The following SCUBE1 variants were observed in gnomAD, a reference collection of about 807,000 sequenced individuals.
SCUBE1 encodes signal peptide, CUB domain and EGF like domain containing 1.
A neutral mutation model predicts 124.4 loss-of-function variants in SCUBE1; 59 were observed. That is an observed-to-expected ratio of 0.47 (90% CI 0.38 to 0.59). The LOEUF is 0.59. Ranked by LOEUF, SCUBE1 falls within the 20% of genes least tolerant of loss-of-function variation. The pLI, the probability that SCUBE1 is intolerant of heterozygous loss-of-function variation, is 0.00. For synonymous variants in SCUBE1, 545 were observed against 550.9 expected (o/e 0.99, Z 0.15); for missense variants, 1,150 against 1,371.2 (o/e 0.84, Z 2.55).
In SCUBE1 at chr22:43,214,082, G is replaced by A. The variant is rs747460728; in HGVS notation, c.2053+8C>T. 1.9e-5 allele frequency: 24 copies of A among 1,282,738 alleles called. No individual in the cohort carries two copies. The highest frequency in any genetic ancestry group is 9.1e-5 in the South Asian group (7 of 77,034). The allele number at this position is 1,282,738 out of a possible 1,614,324, so 79.5% of individuals were successfully genotyped here. On this transcript the variant is annotated splice_region_variant and intron_variant, in intron 16 of 21. Coordinates refer to ENST00000360835, the MANE Select transcript of SCUBE1 (RefSeq NM_173050.5). ...CACCCCCACCTCTCCTTCTAGGCCC[G>A]CACTTGCCTCCACATTCCGACACGT... is the stretch of plus-strand genomic sequence containing the variant.
intron 1 of SCUBE1, among the ~76,000 whole-genome samples, chr22:43,342,577 G>A (rs1927358837): frequency 6.6e-6 from 1 of 151,056 alleles, no homozygotes; most frequent in South Asian, 2.1e-4. Context: ...CTTATCATCG[G>A]TGGGACCATC....
Position 43,224,301 on chromosome 22 carries a change from C to G in SCUBE1, c.1208-1085G>C, listed in dbSNP as rs150420592. Among the ~76,000 whole-genome samples, 20 of 152,366 alleles carry G rather than the reference C, an allele frequency of 1.3e-4. No individual in the cohort carries two copies. The East Asian group carries it at 3.5e-3, about 26-fold the overall frequency. On this transcript the variant is annotated intron_variant, in intron 10 of 21. Coordinates refer to ENST00000360835, the MANE Select transcript of SCUBE1 (RefSeq NM_173050.5). The stretch of plus-strand genomic sequence containing the variant: ...GCTCTCACTTGCTTTGCTGCTCTCT[C>G]GTGCTGACTGCTTTGTTAGCAAGTG...
At chr22:43,231,935 C>T (rs1042045272) in intron 7 of SCUBE1, 60 bp from the exon 8 acceptor site, 27 of 1,592,200 alleles carry the variant, frequency 1.7e-5, no homozygotes, top group East Asian at 9.0e-5. Flanking sequence ...GTGTGACCAG[C>T]GGGGGGACGG....
chr22:43,222,805 T>C, intron 11 of SCUBE1, 63 bp from the exon 12 acceptor site: 2 of 1,310,310 alleles, frequency 1.5e-6, no homozygotes, highest in South Asian at 1.3e-5. Flanking sequence ...CCTCAGATTC[T>C]TGGGGCCTCA....
chr22:43,231,507 T>G (rs936828328), intron 8 of SCUBE1, among the ~76,000 whole-genome samples: 2 of 151,996 alleles, frequency 1.3e-5, no homozygotes, highest in Non-Finnish European at 2.9e-5. Context: ...GGTGAACTGA[T>G]GAGCTGGGCC....
chr22:43,204,221 G>A, intron 21 of SCUBE1, 72 bp from the exon 22 acceptor site: 3 of 1,426,422 alleles, frequency 2.1e-6, no homozygotes, highest in Non-Finnish European at 2.9e-6. Flanking sequence ...TGCCAGGCTG[G>A]GGGAGGGGAG....
intron 6 of SCUBE1, among the ~76,000 whole-genome samples, chr22:43,246,584 G>T (rs891524515): frequency 2.6e-5 from 4 of 152,234 alleles, no homozygotes; most frequent in Non-Finnish European, 5.9e-5. Context: ...GGAACTGGAA[G>T]AGCTGCTCTC....
In SCUBE1 at chr22:43,331,580, C is replaced by T. The variant is rs559135100; in HGVS notation, c.220+7524G>A. Among the ~76,000 whole-genome samples the T allele has an allele frequency of 1.5e-4, 23 of 152,286 alleles. No individual in the cohort carries two copies. The East Asian group carries it at 1.7e-3, about 11-fold the overall frequency. ...AGCCATTTGAGGGCGGTTTGCTCCT[C>T]GTTTGGGGCCTGGTCCTGATTATAA... On this transcript the variant is annotated intron_variant, in intron 2 of 21. Transcript: ENST00000360835.
At chr22:43,317,425 G>A (rs1326451502) in intron 3 of SCUBE1, among the ~76,000 whole-genome samples, 1 of 152,182 alleles carries the variant, frequency 6.6e-6, no homozygotes, top group Non-Finnish European at 1.5e-5. Context: ...AGAGTCCCCT[G>A]TGCCGAGCCT....
In SCUBE1 at chr22:43,301,214, G is replaced by C. The variant is rs144768632; in HGVS notation, c.350-10034C>G. ...CTCCAGGGCTGCCACGGCTGGGCCA[G>C]TCGCCCTCGTCTCTGGCCTGGATTC... On this transcript the variant is annotated intron_variant, in intron 3 of 21. Coordinates refer to ENST00000360835, the MANE Select transcript of SCUBE1 (RefSeq NM_173050.5). 7.2e-3 allele frequency among the ~76,000 whole-genome samples: 1,101 copies of C among 152,288 alleles called. 11 individuals are homozygous for C. Among genetic ancestry groups the C allele is most frequent in the Middle Eastern group, 0.02 (6 of 294 alleles).
chr22:43,203,888 G>C lies in SCUBE1; in HGVS notation c.*109C>G, dbSNP rs1021186904. 9 of 1,212,192 alleles carry C rather than the reference G, an allele frequency of 7.4e-6. No homozygotes were observed. The highest frequency in any genetic ancestry group is 1.1e-5 in the Non-Finnish European group (9 of 850,192). The allele number at this position is 1,212,192 out of a possible 1,614,324, so 75.1% of individuals were successfully genotyped here. A position where few individuals can be genotyped will look rare whatever the true frequency, so the allele number is the denominator to read the frequency against. On this transcript the variant is annotated 3_prime_UTR_variant, in exon 22 of 22. Transcript: ENST00000360835. Reference sequence around the variant, plus strand: ...GGCTGGTCGGCTTCCCTGAAGGGCAGTGCCATGGGGTTCCCAAGGTGGTGT... The same window carrying C: ...GGCTGGTCGGCTTCCCTGAAGGGCACTGCCATGGGGTTCCCAAGGTGGTGT...
At position 43,216,883 on chromosome 22, in the gene SCUBE1, C is replaced by T. The variant is rs140265140; in HGVS notation, c.1891+1372G>A. Among the ~76,000 whole-genome samples, 1,092 of 109,244 alleles carry T rather than the reference C, an allele frequency of 1.0e-2. 29 individuals carry two copies. Among genetic ancestry groups the T allele is most frequent in the African/African-American group, 0.037 (1,009 of 27,304 alleles). The allele number at this position is 109,244 out of a possible 152,430, so 71.7% of individuals were successfully genotyped here. A position where few individuals can be genotyped will look rare whatever the true frequency, so the allele number is the denominator to read the frequency against. On this transcript the variant is annotated intron_variant, in intron 15 of 21. Transcript: ENST00000360835. ...CCCCCACCCACCCCCCGCCAGGTGT[C>T]ATCTCTTTACCAACAGCTTCCCTCC...
intron 2 of SCUBE1, among the ~76,000 whole-genome samples, chr22:43,333,277 G>A (rs1926960348): frequency 6.6e-6 from 1 of 152,166 alleles, no homozygotes; most frequent in Non-Finnish European, 1.5e-5. Context: ...GCCTTTCCCG[G>A]CTGTCTGAGG....
At chr22:43,240,158 G>A (rs1055974716) in intron 6 of SCUBE1, among the ~76,000 whole-genome samples, 47 of 152,222 alleles carry the variant, frequency 3.1e-4, no homozygotes, top group African/African-American at 6.0e-4. Flanking sequence ...GGTGGTGGGC[G>A]TCCTCCTCAT....
In SCUBE1 at chr22:43,218,506, G is replaced by A; in HGVS notation, c.1688-48C>T. 3 of 1,588,888 alleles carry A rather than the reference G, an allele frequency of 1.9e-6. No individual in the cohort carries two copies. The South Asian group carries it at 3.3e-5, about 18-fold the overall frequency. ...ACATGAATCGCTGGCAACCTTGCTA[G>A]CCGCTGCCTTCTTAGCTGAGGGCTC... On this transcript the variant is annotated intron_variant, in intron 14 of 21. Transcript: ENST00000360835.
At chr22:43,239,834 T>C (rs983666944) in intron 6 of SCUBE1, among the ~76,000 whole-genome samples, 8 of 152,170 alleles carry the variant, frequency 5.3e-5, no homozygotes, top group Admixed American at 5.2e-4. Context: ...GGCGCCCATC[T>C]CTTATAACCT....
intron 16 of SCUBE1, 59 bp from the exon 17 acceptor site, chr22:43,212,651 G>A: frequency 6.6e-7 from 1 of 1,518,672 alleles, no homozygotes; most frequent in Non-Finnish European, 8.8e-7. Context: ...CCGAGGCTGT[G>A]GGTGGTCTCA....
chr22:43,218,225 G>C, intron 15 of SCUBE1, 30 bp downstream of exon 15: 1 of 1,603,538 alleles, frequency 6.2e-7, no homozygotes, highest in Non-Finnish European at 8.5e-7. Flanking sequence ...GACAGAGTCA[G>C]CATCTGAGTG....
intron 4 of SCUBE1, among the ~76,000 whole-genome samples, chr22:43,275,675 T>C (rs1924479386): frequency 6.6e-6 from 1 of 151,812 alleles, no homozygotes; most frequent in South Asian, 2.1e-4. Flanking sequence ...TGACTAAGAG[T>C]TCTCCAGGAA....
Sources: gnomAD v4.1 joint callset for allele counts (sites outside exome capture counted in the v4.1 genomes callset) on GRCh38, gnomAD v4.1.1 for gene constraint, MANE v1.5 for transcripts, NCBI Gene and HGNC (gene_info 2026-07-23, HGNC 2026-07-21) for gene names.